The following PTPN4 variants were observed in gnomAD, a reference collection of about 807,000 sequenced individuals.
The protein encoded by PTPN4 is protein tyrosine phosphatase non-receptor type 4, also known as tyrosine-protein phosphatase non-receptor type 4.
A neutral mutation model predicts 135.5 loss-of-function variants in PTPN4; 49 were observed. The observed-to-expected ratio is 0.36, with a 90% CI of 0.29 to 0.46. PTPN4 has a LOEUF of 0.46. Ranked by LOEUF, PTPN4 falls within the 20% of genes least tolerant of loss-of-function variation. The pLI is 1.00. For synonymous variants in PTPN4, 333 were observed against 369.9 expected (o/e 0.90, Z 1.14); for missense variants, 860 against 1,101.0 (o/e 0.78, Z 3.10).
intron 2 of PTPN4, among the ~76,000 whole-genome samples, chr2:119,860,567 GA>G (rs761697648): frequency 3.3e-5 from 5 of 150,498 alleles, no homozygotes; most frequent in South Asian, 2.1e-4. Flanking sequence ...TCCATTATAT[GA>G]AAAAAAAATG....
At chr2:119,916,885 A>G (rs577467500) in intron 11 of PTPN4, among the ~76,000 whole-genome samples, 12 of 152,340 alleles carry the variant, frequency 7.9e-5, no homozygotes, top group East Asian at 5.8e-4. Flanking sequence ...TGACTATGCC[A>G]TAAATTATTA....
intron 22 of PTPN4, among the ~76,000 whole-genome samples, chr2:119,959,057 C>T (rs1679328513): frequency 6.6e-6 from 1 of 152,008 alleles, no homozygotes; most frequent in Non-Finnish European, 1.5e-5. Flanking sequence ...TTGATCTCAC[C>T]TGGAAATGTG....
intron 2 of PTPN4, among the ~76,000 whole-genome samples, chr2:119,828,024 C>G (rs1677169993): frequency 6.6e-6 from 1 of 152,220 alleles, no homozygotes. Flanking sequence ...CCCTTTGTGG[C>G]TCCCAGTCAT....
Position 119,781,064 on chromosome 2 carries a change from G to C in PTPN4, c.-18+20680G>C, listed in dbSNP as rs908033477. 2.0e-5 allele frequency among the ~76,000 whole-genome samples: 3 copies of C among 152,142 alleles called. No homozygotes were observed. In the South Asian group the frequency reaches 6.2e-4, roughly 31 times the overall value. On this transcript the variant is annotated intron_variant, in intron 1 of 26. Transcript: ENST00000263708. ...ATCTATTATTTATTTTGGAACTTAA[G>C]TTGTTTCATATTTCCTGATAGGAGT...
chr2:119,813,994 C>G (rs761926552), intron 2 of PTPN4, among the ~76,000 whole-genome samples: 8 of 151,790 alleles, frequency 5.3e-5, no homozygotes, highest in Non-Finnish European at 1.2e-4. Flanking sequence ...ATTATTTACC[C>G]AGGTGTGCCA....
In PTPN4 at chr2:119,956,834, T is replaced by TG; in HGVS notation, c.1981-10_1981-9insG. On this transcript the variant is annotated splice_polypyrimidine_tract_variant and intron_variant, in intron 20 of 26. Transcript: ENST00000263708. Reference sequence around the variant, plus strand: ...TTTGTTGGAATTGTACCTTTTTTTTTTTTTTTTAGCAACTGTATCGGAAAA... The same window carrying TG: ...TTTGTTGGAATTGTACCTTTTTTTTTGTTTTTTTAGCAACTGTATCGGAAAA... 1 of 1,580,128 alleles carries TG rather than the reference T, an allele frequency of 6.3e-7. No individual in the cohort carries two copies. Among genetic ancestry groups the TG allele is most frequent in the Non-Finnish European group, 8.5e-7 (1 of 1,171,462 alleles).
intron 3 of PTPN4, 98 bp downstream of exon 3, chr2:119,862,741 G>T: frequency 1.5e-5 from 12 of 811,362 alleles, no homozygotes; most frequent in South Asian, 6.7e-5. Context: ...GATTTGATGA[G>T]TTTTTTTTTT....
chr2:119,812,908 C>T (rs929291377), intron 2 of PTPN4, among the ~76,000 whole-genome samples: 8 of 152,144 alleles, frequency 5.3e-5, no homozygotes, highest in African/African-American at 1.7e-4. Context: ...AGCTGATTAA[C>T]GTTAGCCTGT....
At chr2:119,849,004 A>G (rs1231531041) in intron 2 of PTPN4, among the ~76,000 whole-genome samples, 2 of 152,170 alleles carry the variant, frequency 1.3e-5, no homozygotes, top group East Asian at 3.8e-4. Context: ...TGAGCCCCTT[A>G]AATATATTTT....
chr2:119,766,558 T>G (rs137897688), intron 1 of PTPN4, among the ~76,000 whole-genome samples: 149 of 151,854 alleles, frequency 9.8e-4, no homozygotes, highest in African/African-American at 3.3e-3. Context: ...AAACATGCAT[T>G]TAGTCTGCCT....
At chr2:119,762,613 A>G (rs1448580767) in intron 1 of PTPN4, among the ~76,000 whole-genome samples, 1 of 152,134 alleles carries the variant, frequency 6.6e-6, no homozygotes, top group Admixed American at 6.5e-5. Flanking sequence ...TTGAGAGTTA[A>G]TATGGCCACT....
chr2:119,845,054 CG>C (rs1010234794), intron 2 of PTPN4, among the ~76,000 whole-genome samples: 2 of 148,676 alleles, frequency 1.3e-5, no homozygotes, highest in African/African-American at 2.5e-5. Flanking sequence ...GGCTGGAGAC[CG>C]GCCCGGCCAA....
chr2:119,850,572 C>T (rs1462620036), intron 2 of PTPN4, among the ~76,000 whole-genome samples: 2 of 152,202 alleles, frequency 1.3e-5, no homozygotes, highest in Non-Finnish European at 2.9e-5. Context: ...TTTGCATCTT[C>T]CTGGCCATAT....
chr2:119,766,457 T>C (rs796832073), intron 1 of PTPN4, among the ~76,000 whole-genome samples: 86,428 of 139,892 alleles, frequency 0.62, 26,806 homozygotes, highest in East Asian at 0.71. Context: ...CGCGTGTGTG[T>C]GTGTGTGTGT....
chr2:119,829,255 A>G (rs1309705200), intron 2 of PTPN4, among the ~76,000 whole-genome samples: 2 of 152,164 alleles, frequency 1.3e-5, no homozygotes, highest in African/African-American at 4.8e-5. Flanking sequence ...ATTAAAGTGG[A>G]TGATTCACCT....
At position 119,864,720 on chromosome 2, in the gene PTPN4, T is replaced by C. The variant is rs140012263; in HGVS notation, c.246+2077T>C. Reference sequence around the variant, plus strand: ...TTTGTATACAAAAAGACATATCATATACAAAAAGATGTAGGGCTAATTACA... The same window carrying C: ...TTTGTATACAAAAAGACATATCATACACAAAAAGATGTAGGGCTAATTACA... On this transcript the variant is annotated intron_variant, in intron 3 of 26. Transcript: ENST00000263708. 3.9e-5 allele frequency among the ~76,000 whole-genome samples: 6 copies of C among 152,306 alleles called. No individual in the cohort carries two copies. In the East Asian group the frequency reaches 1.2e-3, roughly 29 times the overall value.
chr2:119,926,645 A>G lies in PTPN4; in HGVS notation c.1049A>G (p.Asn350Ser). 1.9e-6 allele frequency: 3 copies of G among 1,605,586 alleles called. No individual in the cohort carries two copies. Among genetic ancestry groups the G allele is most frequent in the Non-Finnish European group, 1.7e-6 (2 of 1,174,570 alleles). ...QSVQYGKEKA[N>S]KDRVFARSPS... is the part of the protein sequence containing the mutation. ...GTTCAGTATGGCAAAGAAAAGGCAA[A>G]TAAAGACAGGGTATTTGCAAGGTAA... Residue 350 changes from asparagine to serine, a missense_variant, in exon 13 of 27, where the codon AAT (asparagine) becomes AGT (serine). Transcript: ENST00000263708.
chr2:119,884,844 G>A (rs1007935935), intron 8 of PTPN4, among the ~76,000 whole-genome samples: 1 of 152,046 alleles, frequency 6.6e-6, no homozygotes, highest in African/African-American at 2.4e-5. Flanking sequence ...GCATTAGCGG[G>A]CTGTTGGCTC....
chr2:119,855,296 A>G (rs1174430679), intron 2 of PTPN4, among the ~76,000 whole-genome samples: 3 of 152,202 alleles, frequency 2.0e-5, no homozygotes, highest in African/African-American at 7.2e-5. Flanking sequence ...GGATGTCCCC[A>G]GATGATGCTG....
Sources: gnomAD v4.1 joint callset for allele counts (sites outside exome capture counted in the v4.1 genomes callset) on GRCh38, gnomAD v4.1.1 for gene constraint, MANE v1.5 for transcripts, NCBI Gene and HGNC (gene_info 2026-07-23, HGNC 2026-07-21) for gene names.